The following ACAT1 variants were observed in gnomAD, a reference collection of about 807,000 sequenced individuals.
ACAT1 encodes acetyl-CoA acetyltransferase 1, also known as acetyl-CoA acetyltransferase, mitochondrial.
Under a neutral mutation model 47.3 loss-of-function variants are expected in ACAT1, and 28 were observed. The observed-to-expected ratio is 0.59, with a 90% CI of 0.44 to 0.81. The LOEUF (loss-of-function observed/expected upper bound fraction) is 0.81, where lower values mean the gene tolerates loss of function less well. Ranked by LOEUF, ACAT1 falls within the 30% of genes least tolerant of loss-of-function variation. ACAT1 has a pLI of 0.00. For missense variants in ACAT1, 469 were observed against 524.3 expected, an observed-to-expected ratio of 0.89 and a Z score of 1.03; for synonymous variants, 181 against 173.6, an observed-to-expected ratio of 1.04 and a Z score of -0.34.
chr11:108,138,846 G>C, intron 5 of ACAT1, 52 bp from the exon 6 acceptor site: 1 of 1,611,898 alleles, frequency 6.2e-7, no homozygotes, highest in Non-Finnish European at 8.5e-7. Context: ...GGGTGTCATG[G>C]GTTTGCAAAA....
chr11:108,142,396 G>C, intron 8 of ACAT1, 41 bp from the exon 9 acceptor site: 1 of 1,445,362 alleles, frequency 6.9e-7, no homozygotes, highest in Non-Finnish European at 9.7e-7. Flanking sequence ...TACATTTATT[G>C]TGAAGGAATG....
At chr11:108,144,221 A>AC (rs906334631) in intron 10 of ACAT1, 174 bp downstream of exon 10, 114 of 675,294 alleles carry the variant, frequency 1.7e-4, no homozygotes, top group Middle Eastern at 4.1e-4. Context: ...TAACAAACAA[A>AC]AAAAAAAAAA....
intron 4 of ACAT1, 98 bp downstream of exon 4, chr11:108,134,414 G>C (rs1389629695): frequency 1.1e-6 from 1 of 892,656 alleles, no homozygotes. Flanking sequence ...GGAGGCCGAG[G>C]CAGGCGGATC....
chr11:108,131,743 A>G (rs1167711388), intron 1 of ACAT1, among the ~76,000 whole-genome samples, 164 bp from the exon 2 acceptor site: 2 of 152,050 alleles, frequency 1.3e-5, no homozygotes, highest in Non-Finnish European at 2.9e-5. Context: ...TAAAGCAGTC[A>G]TTTTTTTCTA....
At chr11:108,146,412 G>A (rs1278458198) in intron 11 of ACAT1, 53 bp downstream of exon 11, 1 of 1,595,348 alleles carries the variant, frequency 6.3e-7, no homozygotes, top group East Asian at 2.2e-5. Context: ...TGTGTTTCTA[G>A]CTAAACTTAA....
chr11:108,119,102 G>A (rs1437039894), upstream of ACAT1, among the ~76,000 whole-genome samples: 2 of 152,182 alleles, frequency 1.3e-5, no homozygotes, highest in Non-Finnish European at 2.9e-5. Flanking sequence ...TGTGGATAAT[G>A]CTACTCCCTA....
chr11:108,121,672 G>A lies in ACAT1; in HGVS notation c.66G>A (p.Leu22=). ...GCCGCAGCCCCCTGCTCCGGAGGCT[G>A]GTGCAGGTGAGCGGGGTTCGTCCCC... ...ARSRSPLLRR[L]VQEIRYVERS... is the part of the protein sequence containing the mutation. The change falls in exon 1 of 12, where the codon CTG becomes CTA. Residue 22 remains leucine (L), a synonymous_variant. Transcript: ENST00000265838. 6.5e-7 allele frequency: 1 copy of A among 1,548,516 alleles called. No individual in the cohort carries two copies. Among genetic ancestry groups the A allele is most frequent in the Non-Finnish European group, 8.7e-7 (1 of 1,146,886 alleles).
Position 108,133,916 on chromosome 11 carries a change from C to T in ACAT1, c.217C>T (p.Gln73Ter). ...PATKLGSIAI[Q>*]GAIEKAGIPK... ...CACTAAGCTTGGTTCCATTGCAATT[C>T]AGGGAGCCATTGAAAAGGCAGGTCA... Residue 73 changes from glutamine to a stop codon, truncating the protein, a stop_gained, in exon 3 of 12, where the codon CAG becomes TAG. Transcript: ENST00000265838. LOFTEE classifies it high-confidence loss of function. 6.2e-7 allele frequency: 1 copy of T among 1,613,994 alleles called. No individual in the cohort carries two copies. The highest frequency in any genetic ancestry group is 8.5e-7 in the Non-Finnish European group (1 of 1,179,964).
chr11:108,141,992 C>T (rs1422151301), intron 8 of ACAT1, among the ~76,000 whole-genome samples: 1 of 151,708 alleles, frequency 6.6e-6, no homozygotes, highest in African/African-American at 2.4e-5. Context: ...ATTTATATAC[C>T]ATAATAACAT....
At chr11:108,126,072 G>T (rs987427834) in intron 1 of ACAT1, among the ~76,000 whole-genome samples, 2 of 152,046 alleles carry the variant, frequency 1.3e-5, no homozygotes, top group Admixed American at 1.3e-4. Context: ...GCGCGATCTC[G>T]GCTCACTGAA....
chr11:108,147,300 G>T lies in ACAT1; in HGVS notation c.1194G>T (p.Leu398Phe). 6.2e-7 allele frequency: 1 copy of T among 1,613,904 alleles called. No homozygotes were observed. Among genetic ancestry groups the T allele is most frequent in the South Asian group, 1.1e-5 (1 of 91,044 alleles). ...GMSGARIVGH[L>F]THALKQGEYG... ...CTGGAGCCAGGATTGTTGGTCATTT[G>T]ACTCATGCCTTGAAGCAAGGAGAAT... Residue 398 changes from leucine to phenylalanine, a missense_variant, in exon 12 of 12, where the codon TTG (leucine) becomes TTT (phenylalanine). Transcript: ENST00000265838.
At chr11:108,142,640 C>A in intron 9 of ACAT1, 90 bp downstream of exon 9, 1 of 1,005,708 alleles carries the variant, frequency 9.9e-7, no homozygotes, top group Non-Finnish European at 1.6e-6. Flanking sequence ...AGTTCGAAAT[C>A]AGCCTGGGCA....
chr11:108,130,745 GAATT>G (rs2077341395), intron 1 of ACAT1, among the ~76,000 whole-genome samples: 1 of 150,376 alleles, frequency 6.6e-6, no homozygotes, highest in Non-Finnish European at 1.5e-5. Context: ...TGCGTTGTCA[GAATT>G]AATTAATTAA....
At chr11:108,141,510 AAGGG>A (rs2077585194) in intron 7 of ACAT1, 91 bp from the exon 8 acceptor site, 1 of 857,662 alleles carries the variant, frequency 1.2e-6, no homozygotes, top group African/African-American at 1.7e-5. Context: ...CAGGGATACA[AAGGG>A]AGGCACAGAC....
intron 3 of ACAT1, 54 bp downstream of exon 3, chr11:108,133,991 A>C: frequency 6.7e-7 from 1 of 1,497,172 alleles, no homozygotes; most frequent in Non-Finnish European, 9.3e-7. Context: ...TCCATGGAAA[A>C]GATATTTATT....
At position 108,140,469 on chromosome 11, in the gene ACAT1, G is replaced by A. The variant is rs1368005887; in HGVS notation, c.730+254G>A. Among the ~76,000 whole-genome samples, 15 of 152,182 alleles carry A rather than the reference G, an allele frequency of 9.9e-5. 1 individual carries two copies. Among genetic ancestry groups the A allele is most frequent in the Admixed American group, 9.8e-4 (15 of 15,282 alleles). ...ACTTTTTCCTGTGACAGTCAATACG[G>A]TATTTTAAATTGAAAAGGGATTTAC... On this transcript the variant is annotated intron_variant, in intron 7 of 11. Transcript: ENST00000265838.
chr11:108,121,515 G>C (rs2077145870), upstream of ACAT1: 4 of 1,380,558 alleles, frequency 2.9e-6, no homozygotes, highest in East Asian at 1.0e-4. Flanking sequence ...AAGCGGGATG[G>C]GCGGTGCCCG....
upstream of ACAT1, chr11:108,121,228 T>A: frequency 3.1e-6 from 1 of 318,156 alleles, no homozygotes. Flanking sequence ...TCCTAAAATA[T>A]TTTCATGAGT....
At chr11:108,137,864 T>G (rs1235310561) in intron 5 of ACAT1, among the ~76,000 whole-genome samples, 1 of 152,062 alleles carries the variant, frequency 6.6e-6, no homozygotes, top group Non-Finnish European at 1.5e-5. Context: ...GGAGGATCAC[T>G]TGAGCCCAAA....
Sources: allele counts gnomAD v4.1 joint callset (sites outside exome capture counted in the v4.1 genomes callset), GRCh38; gene constraint gnomAD v4.1.1; transcripts MANE v1.5; gene names NCBI Gene and HGNC (gene_info 2026-07-23, HGNC 2026-07-21).